Variants in ADGRB3 observed in about 807,000 individuals in gnomAD.
ADGRB3 encodes adhesion G protein-coupled receptor B3, also known as brain-specific angiogenesis inhibitor 3.
A neutral mutation model predicts 193.4 loss-of-function variants in ADGRB3; 37 were observed. That is an observed-to-expected ratio of 0.19 (90% CI 0.15 to 0.25). ADGRB3 has a LOEUF of 0.25. Ranked by LOEUF, ADGRB3 falls within the 10% of genes least tolerant of loss-of-function variation. The pLI, the probability that ADGRB3 is intolerant of heterozygous loss-of-function variation, is 1.00. For missense variants in ADGRB3, 1,637 were observed against 1,852.9 expected (o/e 0.88, Z 2.14); for synonymous variants, 690 against 644.2 (o/e 1.07, Z -1.08).
chr6:68,870,595 A>G (rs1765428635), intron 3 of ADGRB3, among the ~76,000 whole-genome samples: 1 of 152,162 alleles, frequency 6.6e-6, no homozygotes, highest in African/African-American at 2.4e-5. Flanking sequence ...ACATTGAGTC[A>G]TTATTGATCC....
intron 3 of ADGRB3, among the ~76,000 whole-genome samples, chr6:68,802,661 T>C (rs891206472): frequency 7.9e-5 from 12 of 152,192 alleles, no homozygotes; most frequent in African/African-American, 2.9e-4. Context: ...AATGAATCCA[T>C]TTAAACAGTT....
intron 17 of ADGRB3, among the ~76,000 whole-genome samples, chr6:69,195,996 A>ATCTT (rs1286692457): frequency 6.6e-6 from 1 of 152,162 alleles, no homozygotes; most frequent in African/African-American, 2.4e-5. Flanking sequence ...TAAATATCAT[A>ATCTT]TCTTAGATGT....
chr6:69,227,100 C>A (rs1766034692), intron 17 of ADGRB3, among the ~76,000 whole-genome samples: 1 of 152,142 alleles, frequency 6.6e-6, no homozygotes, highest in African/African-American at 2.4e-5. Context: ...GATAACATCT[C>A]TGATAGGATG....
chr6:68,660,582 T>C (rs1182556913), intron 3 of ADGRB3, among the ~76,000 whole-genome samples: 1 of 151,054 alleles, frequency 6.6e-6, no homozygotes, highest in East Asian at 1.9e-4. Context: ...TACTTCCATA[T>C]ATCCAAATTT....
At chr6:69,262,481 C>T (rs1212496397) in intron 20 of ADGRB3, among the ~76,000 whole-genome samples, 1 of 151,956 alleles carries the variant, frequency 6.6e-6, no homozygotes, top group Non-Finnish European at 1.5e-5. Context: ...GTTAGGACCA[C>T]AGTCATGACA....
intron 17 of ADGRB3, among the ~76,000 whole-genome samples, chr6:69,175,845 T>C (rs1775405451): frequency 6.6e-6 from 1 of 152,204 alleles, no homozygotes; most frequent in Admixed American, 6.5e-5. Context: ...CTTGTAGAGA[T>C]CTTTCACCTC....
At chr6:69,065,816 G>T (rs1489328690) in intron 16 of ADGRB3, among the ~76,000 whole-genome samples, 2 of 133,698 alleles carry the variant, frequency 1.5e-5, no homozygotes, top group Middle Eastern at 3.8e-3. Flanking sequence ...CATATATTCA[G>T]TTGGCCCTCA....
rs183141088 is a variant in ADGRB3 at position 69,138,772 on chromosome 6, G to A, written c.2480+62734G>A. ...AAGAGTATTTCATTGTAACGCTGCC[G>A]TTGATACTAAAAAGAACAGCTAAAT... On this transcript the variant is annotated intron_variant, in intron 17 of 31. Coordinates refer to ENST00000370598, the MANE Select transcript of ADGRB3 (RefSeq NM_001704.3). Among the ~76,000 whole-genome samples the A allele has an allele frequency of 3.1e-3, 476 of 152,188 alleles. 1 individual carries two copies. Among genetic ancestry groups the A allele is most frequent in the Non-Finnish European group, 5.8e-3 (396 of 68,006 alleles).
At chr6:69,179,270 C>T (rs1775517228) in intron 17 of ADGRB3, among the ~76,000 whole-genome samples, 1 of 151,902 alleles carries the variant, frequency 6.6e-6, no homozygotes, top group Non-Finnish European at 1.5e-5. Context: ...TCTGCTTGGC[C>T]CAGTCTATTG....
intron 3 of ADGRB3, among the ~76,000 whole-genome samples, chr6:68,911,692 C>G (rs556644337): frequency 6.6e-6 from 1 of 152,268 alleles, no homozygotes; most frequent in East Asian, 1.9e-4. Flanking sequence ...AACTCTACTA[C>G]TTTCCATGGT....
At chr6:69,122,390 A>C (rs1019736065) in intron 17 of ADGRB3, among the ~76,000 whole-genome samples, 17 of 147,148 alleles carry the variant, frequency 1.2e-4, no homozygotes, top group African/African-American at 4.0e-4. Flanking sequence ...GGGAGGCTGC[A>C]GCCAGCCAAG....
chr6:68,938,701 A>G (rs916446436), intron 5 of ADGRB3, among the ~76,000 whole-genome samples: 1 of 152,134 alleles, frequency 6.6e-6, no homozygotes, highest in African/African-American at 2.4e-5. Context: ...AAATCTTCAT[A>G]CCACAAGGGT....
intron 17 of ADGRB3, among the ~76,000 whole-genome samples, chr6:69,146,716 A>T (rs1205816779): frequency 6.6e-6 from 1 of 151,954 alleles, no homozygotes; most frequent in Admixed American, 6.6e-5. Flanking sequence ...TGCAGCTGTG[A>T]TCATTAATTC....
At position 68,652,983 on chromosome 6, in the gene ADGRB3, T is replaced by C. The variant is rs531558318; in HGVS notation, c.757+13551T>C. On this transcript the variant is annotated intron_variant, in intron 3 of 31. Coordinates refer to ENST00000370598, the MANE Select transcript of ADGRB3 (RefSeq NM_001704.3). ...AGACTCCTACCATTCTGGGTTTCTG[T>C]AGGAATTGTGTTACTGGCCTACTAA... Among the ~76,000 whole-genome samples the C allele has an allele frequency of 1.6e-3, 251 of 152,264 alleles. 1 individual carries two copies. The highest frequency in any genetic ancestry group is 5.9e-3 in the African/African-American group (245 of 41,566).
intron 3 of ADGRB3, among the ~76,000 whole-genome samples, chr6:68,821,456 T>C (rs970239262): frequency 2.0e-5 from 3 of 152,000 alleles, no homozygotes; most frequent in African/African-American, 7.2e-5. Context: ...TCCTAATTAA[T>C]ATACATATTG....
At chr6:69,364,922 G>A (rs1254907473) in intron 29 of ADGRB3, among the ~76,000 whole-genome samples, 10 of 152,094 alleles carry the variant, frequency 6.6e-5, no homozygotes, top group African/African-American at 2.2e-4. Context: ...TCAAGCACTT[G>A]AGGACTATAA....
intron 13 of ADGRB3, among the ~76,000 whole-genome samples, chr6:69,044,477 G>A (rs186800487): frequency 2.4e-4 from 37 of 152,272 alleles, no homozygotes; most frequent in Admixed American, 9.2e-4. Flanking sequence ...TATCAAAGAA[G>A]TGCTCATTGG....
At chr6:69,173,575 T>C (rs926065844) in intron 17 of ADGRB3, among the ~76,000 whole-genome samples, 1 of 152,106 alleles carries the variant, frequency 6.6e-6, no homozygotes, top group Non-Finnish European at 1.5e-5. Flanking sequence ...AAGATGGATA[T>C]GTGCATTTTT....
At chr6:68,702,210 G>A (rs2127309475) in intron 3 of ADGRB3, among the ~76,000 whole-genome samples, 1 of 148,152 alleles carries the variant, frequency 6.7e-6, no homozygotes, top group African/African-American at 2.5e-5. Context: ...GAGCGAGAAA[G>A]AGAGAGAGAG....
Sources: gnomAD v4.1 joint callset for allele counts (sites outside exome capture counted in the v4.1 genomes callset) on GRCh38, gnomAD v4.1.1 for gene constraint, MANE v1.5 for transcripts, NCBI Gene and HGNC (gene_info 2026-07-23, HGNC 2026-07-21) for gene names.